TMTC2: variants seen among roughly 807,000 people sequenced by gnomAD.
The protein encoded by TMTC2 is transmembrane O-mannosyltransferase targeting cadherins 2, also known as protein O-mannosyl-transferase TMTC2.
In TMTC2, 43 loss-of-function variants were observed where a neutral mutation model predicts 82.4. The observed-to-expected ratio is 0.52, with a 90% CI of 0.41 to 0.67. TMTC2 has a LOEUF of 0.67. Among genes scored for constraint, TMTC2 ranks in the 30% least tolerant of loss-of-function variants. TMTC2 has a pLI of 0.00. For synonymous variants in TMTC2, 408 were observed against 381.9 expected, an observed-to-expected ratio of 1.07 and a Z score of -0.80; for missense variants, 919 against 1,012.4, an observed-to-expected ratio of 0.91 and a Z score of 1.25.
chr12:83,011,350 C>T (rs1880449472), intron 8 of TMTC2, among the ~76,000 whole-genome samples: 1 of 151,994 alleles, frequency 6.6e-6, no homozygotes, highest in Non-Finnish European at 1.5e-5. Flanking sequence ...TCCTTTTTGT[C>T]TGTAAAATGA....
At chr12:83,108,277 AT>A (rs969767641) in intron 11 of TMTC2, among the ~76,000 whole-genome samples, 5 of 152,088 alleles carry the variant, frequency 3.3e-5, no homozygotes, top group South Asian at 2.1e-4. Context: ...TTATATATTA[AT>A]TTTTTATTTA....
chr12:82,744,581 T>TAAAA lies in TMTC2; in HGVS notation c.83+56923_83+56926dup, dbSNP rs369793885. On this transcript the variant is annotated intron_variant, in intron 1 of 11. Transcript: ENST00000321196. ...GCCTGGGCGACAGAGACTCTGACTC[T>TAAAA]AAAAAAAAAAAAAAGAGTGAAGGCA... is the stretch of plus-strand genomic sequence containing the variant. 6.1e-5 allele frequency among the ~76,000 whole-genome samples: 7 copies of TAAAA among 115,520 alleles called. 2 individuals are homozygous for TAAAA. Among genetic ancestry groups the TAAAA allele is most frequent in the Admixed American group, 1.0e-4 (1 of 9,992 alleles). The allele number at this position is 115,520 out of a possible 152,430, so 75.8% of individuals were successfully genotyped here.
intron 2 of TMTC2, among the ~76,000 whole-genome samples, chr12:82,893,288 T>C (rs1203802667): frequency 6.6e-6 from 1 of 151,582 alleles, no homozygotes; most frequent in Non-Finnish European, 1.5e-5. Context: ...GGAGGATTGC[T>C]TGAACCTGGG....
chr12:82,930,404 C>T (rs763661178), intron 3 of TMTC2, 27 bp from the exon 4 acceptor site: 1 of 1,412,056 alleles, frequency 7.1e-7, no homozygotes, highest in Admixed American at 1.8e-5. Context: ...GATGCTCAGT[C>T]TGAAAATTTC....
chr12:82,789,554 T>A (rs1463195295), intron 1 of TMTC2, among the ~76,000 whole-genome samples: 1 of 152,154 alleles, frequency 6.6e-6, no homozygotes, highest in African/African-American at 2.4e-5. Context: ...CCGATTTAAA[T>A]TATATAGAAA....
chr12:82,797,043 G>A (rs766956487), intron 1 of TMTC2, among the ~76,000 whole-genome samples: 5 of 152,154 alleles, frequency 3.3e-5, no homozygotes, highest in Non-Finnish European at 7.4e-5. Flanking sequence ...TGTGATTTAT[G>A]TCAGAGGATC....
intron 11 of TMTC2, among the ~76,000 whole-genome samples, chr12:83,065,575 A>G (rs975103513): frequency 1.3e-5 from 2 of 151,924 alleles, no homozygotes. Flanking sequence ...ACATTAAAAC[A>G]TGTTTCTATA....
At chr12:82,911,261 G>A (rs1421140164) in intron 3 of TMTC2, among the ~76,000 whole-genome samples, 1 of 152,108 alleles carries the variant, frequency 6.6e-6, no homozygotes, top group Non-Finnish European at 1.5e-5. Flanking sequence ...GGGCAGGAAG[G>A]CAGGAGTGCC....
At chr12:82,976,029 G>T (rs556122329) in intron 7 of TMTC2, among the ~76,000 whole-genome samples, 2 of 152,096 alleles carry the variant, frequency 1.3e-5, no homozygotes, top group South Asian at 4.1e-4. Flanking sequence ...TTGGGGAAAA[G>T]ATCCTCACCT....
chr12:82,816,968 GT>G (rs752958581), intron 1 of TMTC2, among the ~76,000 whole-genome samples: 154 of 135,208 alleles, frequency 1.1e-3, no homozygotes, highest in Admixed American at 1.4e-3. Context: ...TTCTTTCTTT[GT>G]TTTTTTTTTT....
At chr12:82,996,606 T>G (rs1266791549) in intron 8 of TMTC2, among the ~76,000 whole-genome samples, 1 of 152,184 alleles carries the variant, frequency 6.6e-6, no homozygotes, top group Non-Finnish European at 1.5e-5. Context: ...GCAGAATGAC[T>G]CATGTGTAAG....
intron 1 of TMTC2, among the ~76,000 whole-genome samples, chr12:82,733,693 T>C (rs1874947952): frequency 6.6e-6 from 1 of 152,190 alleles, no homozygotes; most frequent in Non-Finnish European, 1.5e-5. Context: ...AACAGGACAA[T>C]TGGAGTGAAG....
intron 1 of TMTC2, among the ~76,000 whole-genome samples, chr12:82,736,356 C>A (rs939061232): frequency 2.0e-5 from 3 of 151,806 alleles, no homozygotes; most frequent in African/African-American, 7.3e-5. Flanking sequence ...TACAGAATTT[C>A]TTTTTATTTT....
chr12:82,891,544 G>A (rs1873396033), intron 2 of TMTC2, among the ~76,000 whole-genome samples: 1 of 152,120 alleles, frequency 6.6e-6, no homozygotes, highest in African/African-American at 2.4e-5. Flanking sequence ...CCGACCTCAG[G>A]TGACCCGCCT....
intron 7 of TMTC2, among the ~76,000 whole-genome samples, chr12:82,985,130 C>T (rs1036677988): frequency 4.6e-5 from 7 of 152,060 alleles, no homozygotes; most frequent in African/African-American, 1.7e-4. Context: ...GCGATCAGGG[C>T]TCACCGTAGC....
chr12:82,951,100 TGTGACACAA>T (rs1877321559), intron 4 of TMTC2, among the ~76,000 whole-genome samples: 1 of 152,222 alleles, frequency 6.6e-6, no homozygotes, highest in Non-Finnish European at 1.5e-5. Context: ...TTTGCAGTTT[TGTGACACAA>T]GTGACACACT....
intron 4 of TMTC2, among the ~76,000 whole-genome samples, chr12:82,947,435 C>T (rs552626276): frequency 7.4e-4 from 112 of 151,342 alleles, no homozygotes; most frequent in African/African-American, 1.8e-3. Context: ...CTCCGCCTTC[C>T]GGGTTCACGC....
chr12:82,958,762 G>A (rs920762081), intron 4 of TMTC2, among the ~76,000 whole-genome samples: 2 of 151,678 alleles, frequency 1.3e-5, no homozygotes, highest in Admixed American at 6.6e-5. Context: ...TTCTCTTTGA[G>A]AACTGGAATA....
intron 1 of TMTC2, among the ~76,000 whole-genome samples, chr12:82,771,273 A>G (rs185228227): frequency 5.3e-5 from 8 of 151,928 alleles, no homozygotes; most frequent in Admixed American, 3.9e-4. Flanking sequence ...CCATTTGGGC[A>G]GAGGTCAGAA....
Sources: allele counts gnomAD v4.1 joint callset (sites outside exome capture counted in the v4.1 genomes callset), GRCh38; gene constraint gnomAD v4.1.1; transcripts MANE v1.5; gene names NCBI Gene and HGNC (gene_info 2026-07-23, HGNC 2026-07-21).